The following TNKS variants were observed in gnomAD, a reference collection of about 807,000 sequenced individuals.
The protein encoded by TNKS is poly [ADP-ribose] polymerase tankyrase-1.
A neutral mutation model predicts 135.8 loss-of-function variants in TNKS; 72 were observed. The observed-to-expected ratio is 0.53, with a 90% CI of 0.44 to 0.64. The LOEUF (loss-of-function observed/expected upper bound fraction) is 0.64, where lower values mean the gene tolerates loss of function less well. Ranked by LOEUF, TNKS falls within the 30% of genes least tolerant of loss-of-function variation. The probability of loss-of-function intolerance (pLI) is 0.00; values close to 1 mark genes in which losing one functional copy is unlikely to be tolerated. For synonymous variants in TNKS, 849 were observed against 649.3 expected, an observed-to-expected ratio of 1.31 and a Z score of -4.68; for missense variants, 1,769 against 1,674.0, an observed-to-expected ratio of 1.06 and a Z score of -0.99.
intron 14 of TNKS, among the ~76,000 whole-genome samples, 176 bp downstream of exon 14, chr8:9,731,211 G>T (rs1466539837): frequency 6.6e-6 from 1 of 152,164 alleles, no homozygotes; most frequent in African/African-American, 2.4e-5. Flanking sequence ...TGTAATCCCA[G>T]CACTTTGGGA....
intron 18 of TNKS, among the ~76,000 whole-genome samples, chr8:9,750,062 C>G (rs1441366586): frequency 1.3e-5 from 2 of 152,208 alleles, no homozygotes; most frequent in Non-Finnish European, 2.9e-5. Context: ...AACATGGAAT[C>G]CAAGTAAAGG....
chr8:9,596,229 G>A (rs1798781025), intron 2 of TNKS, among the ~76,000 whole-genome samples: 1 of 152,176 alleles, frequency 6.6e-6, no homozygotes, highest in Non-Finnish European at 1.5e-5. Flanking sequence ...AATGGGTTGT[G>A]TAACCAGGCA....
chr8:9,703,623 G>A (rs908701220), intron 5 of TNKS, among the ~76,000 whole-genome samples: 9 of 152,146 alleles, frequency 5.9e-5, no homozygotes, highest in Admixed American at 2.0e-4. Context: ...TATGTAAAAT[G>A]TATGAAATAT....
chr8:9,580,224 G>C lies in TNKS; in HGVS notation c.739G>C (p.Asp247His). The change falls in exon 2 of 27, where the codon GAT becomes CAT. Residue 247 changes from aspartate (D) to histidine (H), a missense_variant. Around this residue, in one of 5 missense-constraint regions of TNKS, gnomAD observed 523 missense variants for 541.0 expected, o/e 0.97. Coordinates refer to ENST00000310430, the MANE Select transcript of TNKS (RefSeq NM_003747.3). The stretch of plus-strand genomic sequence containing the variant: ...GGGTGCTAATGTCCACGCTCGTGAT[G>C]ATGGAGGTCTCATCCCGCTTCATAA... ...QMGANVHARD[D>H]GGLIPLHNAC... is the part of the protein sequence containing the mutation. 3.1e-6 allele frequency: 5 copies of C among 1,614,166 alleles called. No homozygotes were observed. The highest frequency in any genetic ancestry group is 4.2e-6 in the Non-Finnish European group (5 of 1,180,028).
rs1286487395 is a variant in TNKS, at chr8:9,769,607, ATTTTCTTTTTTTT to A, written c.3741-494_3741-482del. Among the ~76,000 whole-genome samples, 10 of 98,450 alleles carry A rather than the reference ATTTTCTTTTTTTT, an allele frequency of 1.0e-4. No individual in the cohort carries two copies. In the East Asian group the frequency reaches 3.0e-3, roughly 29 times the overall value. 64.6% of individuals were successfully genotyped at this position (98,450 alleles called of 152,430 possible). On this transcript the variant is annotated intron_variant, in intron 25 of 26. Transcript: ENST00000310430. Reference sequence around the variant, plus strand: ...CACCAGGCAAAACTTACTGGCAGGCATTTTCTTTTTTTTTTTTTTTTTTTTTTTTTGAGACGGA... The same window carrying A: ...CACCAGGCAAAACTTACTGGCAGGCATTTTTTTTTTTTTTTTTGAGACGGA...
At chr8:9,625,252 G>A (rs1398474413) in intron 3 of TNKS, among the ~76,000 whole-genome samples, 1 of 151,940 alleles carries the variant, frequency 6.6e-6, no homozygotes, top group Non-Finnish European at 1.5e-5. Flanking sequence ...GGTGCCTGCA[G>A]GGTCTGTAGT....
At position 9,770,322 on chromosome 8, in the gene TNKS, A is replaced by G. The variant is rs1272595042; in HGVS notation, c.3897+60A>G. On this transcript the variant is annotated intron_variant, in intron 26 of 26. Coordinates refer to ENST00000310430, the MANE Select transcript of TNKS (RefSeq NM_003747.3). ...ACAAACATGTCAATAGAGCACAGAG[A>G]CCGTGTAAGACTTGAGACACTTTTC... The G allele has an allele frequency of 5.3e-6, 8 of 1,509,298 alleles. No individual in the cohort carries two copies. The East Asian group carries it at 7.1e-5, about 13-fold the overall frequency. 93.5% of individuals were successfully genotyped at this position (1,509,298 alleles called of 1,614,324 possible). A position where few individuals can be genotyped will look rare whatever the true frequency, so the allele number is the denominator to read the frequency against.
chr8:9,643,836 C>G (rs554285935), intron 3 of TNKS, among the ~76,000 whole-genome samples: 1 of 152,288 alleles, frequency 6.6e-6, no homozygotes, highest in South Asian at 2.1e-4. Flanking sequence ...TTGATAGCAG[C>G]AGCATTTGCA....
chr8:9,624,041 A>AACAAC (rs1554452219), intron 3 of TNKS, among the ~76,000 whole-genome samples: 10 of 151,640 alleles, frequency 6.6e-5, no homozygotes, highest in African/African-American at 2.4e-4. Flanking sequence ...ACAACAACAA[A>AACAAC]AAACAACTAA....
chr8:9,645,071 A>G (rs1033501801), intron 3 of TNKS, among the ~76,000 whole-genome samples: 1 of 152,118 alleles, frequency 6.6e-6, no homozygotes, highest in African/African-American at 2.4e-5. Flanking sequence ...ACCAGATGGG[A>G]CTGGTTCTGT....
In TNKS at chr8:9,763,160, T is replaced by C. The variant is rs148202494; in HGVS notation, c.3288T>C (p.Tyr1096=). The change falls in exon 22 of 27, where the codon TAT becomes TAC. Residue 1096 remains tyrosine (Y), a synonymous_variant. Coordinates refer to ENST00000310430, the MANE Select transcript of TNKS (RefSeq NM_003747.3). ...TCTCTCCGACAGGCACCAATCCTTA[T>C]TTGACTTTTCACTGTGTTAATCAGG... ...LLGGQQGTNP[Y]LTFHCVNQGT... is the part of the protein sequence containing the mutation. 1.3e-5 allele frequency: 20 copies of C among 1,596,316 alleles called. No individual in the cohort carries two copies. Among genetic ancestry groups the C allele is most frequent in the Middle Eastern group, 1.7e-4 (1 of 6,014 alleles).
chr8:9,565,726 G>C (rs1250657549), intron 1 of TNKS, among the ~76,000 whole-genome samples: 3 of 151,980 alleles, frequency 2.0e-5, no homozygotes, highest in Non-Finnish European at 4.4e-5. Flanking sequence ...GCGTGGTGGC[G>C]GGCGCCTGTT....
intron 1 of TNKS, among the ~76,000 whole-genome samples, chr8:9,577,404 T>C (rs1797989787): frequency 6.6e-6 from 1 of 152,132 alleles, no homozygotes; most frequent in Non-Finnish European, 1.5e-5. Context: ...CTGGGTAATT[T>C]ATAAAGAAAA....
chr8:9,701,615 A>G (rs539892530), intron 5 of TNKS, among the ~76,000 whole-genome samples: 13 of 152,360 alleles, frequency 8.5e-5, no homozygotes, highest in African/African-American at 3.1e-4. Flanking sequence ...GACAAAATGT[A>G]TGAAACAGTG....
chr8:9,595,885 G>A (rs1378922873), intron 2 of TNKS, among the ~76,000 whole-genome samples: 1 of 152,096 alleles, frequency 6.6e-6, no homozygotes, highest in African/African-American at 2.4e-5. Context: ...GGCCAAAGTG[G>A]GAGGATTGCT....
chr8:9,656,615 T>TC (rs1207181163), intron 3 of TNKS, among the ~76,000 whole-genome samples: 1 of 149,162 alleles, frequency 6.7e-6, no homozygotes, highest in African/African-American at 2.5e-5. Flanking sequence ...AATTTTCTTT[T>TC]TTTTTTTTTT....
intron 3 of TNKS, among the ~76,000 whole-genome samples, chr8:9,619,980 TCA>T (rs1417224472): frequency 3.3e-5 from 5 of 151,484 alleles, no homozygotes; most frequent in Non-Finnish European, 4.4e-5. Flanking sequence ...CGACGGAGTC[TCA>T]CTCTGTCGCC....
At chr8:9,742,319 CT>C (rs1419991365) in intron 17 of TNKS, among the ~76,000 whole-genome samples, 500 of 133,424 alleles carry the variant, frequency 3.7e-3, no homozygotes, top group Middle Eastern at 0.011. Flanking sequence ...TTTTAATTAC[CT>C]TTTTTTTTTT....
intron 3 of TNKS, among the ~76,000 whole-genome samples, chr8:9,676,856 C>T (rs2128795602): frequency 6.6e-6 from 1 of 152,256 alleles, no homozygotes; most frequent in Non-Finnish European, 1.5e-5. Flanking sequence ...TTTAAGCCAT[C>T]TATTTTCTTC....
Sources: allele counts gnomAD v4.1 joint callset (sites outside exome capture counted in the v4.1 genomes callset), GRCh38; gene constraint gnomAD v4.1.1; regional missense constraint gnomAD v4.1.1; transcripts MANE v1.5; gene names NCBI Gene and HGNC (gene_info 2026-07-23, HGNC 2026-07-21).